The following ARHGAP44 variants were observed in gnomAD, a reference collection of about 807,000 sequenced individuals.
ARHGAP44 encodes the protein rho GTPase-activating protein 44.
A neutral mutation model predicts 106.8 loss-of-function variants in ARHGAP44; 43 were observed. The observed-to-expected ratio is 0.40, with a 90% confidence interval of 0.32 to 0.52. The LOEUF is 0.52. Ranked by LOEUF, ARHGAP44 falls within the 20% of genes least tolerant of loss-of-function variation. ARHGAP44 has a pLI of 0.48. For synonymous variants in ARHGAP44, 439 were observed against 410.3 expected, an observed-to-expected ratio of 1.07 and a Z score of -0.85; for missense variants, 866 against 1,050.5, an observed-to-expected ratio of 0.82 and a Z score of 2.43.
At chr17:12,986,808 G>C in intron 20 of ARHGAP44, 1 of 322,706 alleles carries the variant, frequency 3.1e-6, no homozygotes, top group African/African-American at 2.1e-5. Flanking sequence ...GCACCCCCAG[G>C]GCTCTAAGAA....
chr17:12,942,989 C>T (rs2038748642), intron 8 of ARHGAP44, among the ~76,000 whole-genome samples: 1 of 152,168 alleles, frequency 6.6e-6, no homozygotes, highest in Non-Finnish European at 1.5e-5. Context: ...ACTAACTTTG[C>T]AGAAACAAAA....
At chr17:12,851,528 C>T (rs184919768) in intron 1 of ARHGAP44, among the ~76,000 whole-genome samples, 5 of 152,028 alleles carry the variant, frequency 3.3e-5, no homozygotes, top group Admixed American at 2.6e-4. Flanking sequence ...AGTACAATGG[C>T]GTGATCTCGG....
Position 12,956,658 on chromosome 17 carries a change from C to G in ARHGAP44, c.1254C>G (p.Asn418Lys). Residue 418 changes from asparagine to lysine, a missense_variant, in exon 15 of 21, where the codon AAC (asparagine) becomes AAG (lysine). Coordinates refer to ENST00000379672, the MANE Select transcript of ARHGAP44 (RefSeq NM_014859.6). ...TGCCTCTGCTCTCTGCTTACAGGAA[C>G]ATTACAGAGATGATGACCACAGTGT... is the stretch of plus-strand genomic sequence containing the variant. Reference protein sequence around the residue: ...PNLLWPQAEGNITEMMTTVSL... With the variant: ...PNLLWPQAEGKITEMMTTVSL... The G allele has an allele frequency of 6.2e-7, 1 of 1,613,848 alleles. No homozygotes were observed. The highest frequency in any genetic ancestry group is 1.3e-5 in the African/African-American group (1 of 75,056).
intron 20 of ARHGAP44, chr17:12,987,009 A>G (rs2039976227): frequency 4.0e-6 from 5 of 1,240,124 alleles, no homozygotes; most frequent in Non-Finnish European, 5.6e-6. Context: ...TGGGACTGTG[A>G]TATTGGCATA....
At chr17:12,885,986 T>A (rs914403994) in intron 1 of ARHGAP44, among the ~76,000 whole-genome samples, 2 of 152,134 alleles carry the variant, frequency 1.3e-5, no homozygotes, top group Non-Finnish European at 2.9e-5. Context: ...TAACTTTTTT[T>A]AATTGAAGTG....
At chr17:12,851,614 A>G (rs2035743498) in intron 1 of ARHGAP44, among the ~76,000 whole-genome samples, 1 of 152,014 alleles carries the variant, frequency 6.6e-6, no homozygotes, top group Non-Finnish European at 1.5e-5. Context: ...TGGTATTTTT[A>G]GTAGAGAAAC....
chr17:12,849,530 T>A (rs1181892632), intron 1 of ARHGAP44, among the ~76,000 whole-genome samples: 1 of 151,268 alleles, frequency 6.6e-6, no homozygotes, highest in East Asian at 1.9e-4. Context: ...GCTTCTGACA[T>A]TAGTGCAGCA....
chr17:12,879,618 T>C, intron 1 of ARHGAP44, among the ~76,000 whole-genome samples: 1 of 151,312 alleles, frequency 6.6e-6, no homozygotes, highest in South Asian at 2.1e-4. Flanking sequence ...TTTAAAGAAG[T>C]GTTACAGTTA....
At chr17:12,969,429 A>G (rs1399744724) in intron 16 of ARHGAP44, among the ~76,000 whole-genome samples, 2 of 152,326 alleles carry the variant, frequency 1.3e-5, no homozygotes, top group Non-Finnish European at 2.9e-5. Flanking sequence ...GCTCCTTACA[A>G]CAAATCGAAG....
intron 19 of ARHGAP44, among the ~76,000 whole-genome samples, chr17:12,983,840 A>G (rs940699637): frequency 2.0e-5 from 3 of 152,164 alleles, no homozygotes; most frequent in African/African-American, 4.8e-5. Context: ...ACCCCAGAAA[A>G]ACAACGAAAA....
At chr17:12,791,814 C>T (rs2033769184) in intron 1 of ARHGAP44, among the ~76,000 whole-genome samples, 1 of 152,106 alleles carries the variant, frequency 6.6e-6, no homozygotes, top group African/African-American at 2.4e-5. Flanking sequence ...GGATGTTGGC[C>T]TATGGATGAA....
intron 1 of ARHGAP44, among the ~76,000 whole-genome samples, chr17:12,818,201 T>C (rs2150791061): frequency 6.6e-6 from 1 of 152,072 alleles, no homozygotes; most frequent in South Asian, 2.1e-4. Context: ...CACAAATCAC[T>C]GTAATTTCTC....
intron 7 of ARHGAP44, chr17:12,929,367 G>T: frequency 4.8e-6 from 1 of 209,830 alleles, no homozygotes; most frequent in Non-Finnish European, 9.9e-6. Flanking sequence ...GGTGACACAG[G>T]ACAGTTGAGA....
At chr17:12,956,917 G>A (rs894103051) in intron 15 of ARHGAP44, among the ~76,000 whole-genome samples, 171 bp downstream of exon 15, 6 of 151,556 alleles carry the variant, frequency 4.0e-5, no homozygotes, top group African/African-American at 9.7e-5. Flanking sequence ...AGGCACACAC[G>A]TATCAGGGTG....
chr17:12,975,451 A>C (rs1211045399), intron 18 of ARHGAP44, among the ~76,000 whole-genome samples: 3 of 152,130 alleles, frequency 2.0e-5, no homozygotes, highest in Non-Finnish European at 2.9e-5. Context: ...AAAAGACAGG[A>C]ATTCATTCCA....
chr17:12,917,544 G>A (rs1013449735), intron 5 of ARHGAP44, among the ~76,000 whole-genome samples: 16 of 152,194 alleles, frequency 1.1e-4, no homozygotes, highest in Admixed American at 3.3e-4. Context: ...CTAATTGGAT[G>A]GTACCGCTCC....
chr17:12,931,566 C>T (rs1038052204), intron 7 of ARHGAP44, among the ~76,000 whole-genome samples: 53 of 151,284 alleles, frequency 3.5e-4, no homozygotes, highest in South Asian at 1.5e-3. Flanking sequence ...GCGGGATCTC[C>T]GCTCACTGCA....
At chr17:12,852,207 GTGGTTT>G (rs2035768154) in intron 1 of ARHGAP44, among the ~76,000 whole-genome samples, 1 of 136,070 alleles carries the variant, frequency 7.3e-6, no homozygotes, top group South Asian at 2.8e-4. Flanking sequence ...GATAGGGAGG[GTGGTTT>G]TGTGTGGGAT....
At chr17:12,804,251 G>A (rs1285847252) in intron 1 of ARHGAP44, among the ~76,000 whole-genome samples, 1 of 152,214 alleles carries the variant, frequency 6.6e-6, no homozygotes, top group Admixed American at 6.5e-5. Flanking sequence ...CTTTCCTCTA[G>A]TCTAGGCCAA....
Sources: gnomAD v4.1 joint callset for allele counts (sites outside exome capture counted in the v4.1 genomes callset) on GRCh38, gnomAD v4.1.1 for gene constraint, MANE v1.5 for transcripts, NCBI Gene and HGNC (gene_info 2026-07-23, HGNC 2026-07-21) for gene names.